The following ASB18 variants were observed in gnomAD, a reference collection of about 807,000 sequenced individuals.
ASB18 encodes ankyrin repeat and SOCS box protein 18.
In ASB18, 33 loss-of-function variants were observed where a neutral mutation model predicts 33.4. The ratio of observed to expected loss-of-function variants is 0.99; its 90% confidence interval spans 0.75 to 1.32. ASB18 has a LOEUF of 1.32. Ranked by LOEUF, ASB18 falls within the 40% of genes most tolerant of loss-of-function variation. The pLI is 0.00. For missense variants in ASB18, 694 were observed against 655.5 expected, an observed-to-expected ratio of 1.06 and a Z score of -0.64; for synonymous variants, 295 against 307.6, an observed-to-expected ratio of 0.96 and a Z score of 0.43.
In ASB18 at chr2:236,225,892, G is replaced by A. The variant is rs757643013; in HGVS notation, c.597-11026C>T. 2.0e-5 allele frequency among the ~76,000 whole-genome samples: 3 copies of A among 152,070 alleles called. No individual in the cohort carries two copies. The highest frequency in any genetic ancestry group is 2.1e-4 in the South Asian group (1 of 4,812). ...CAACTAAAAGGGGATGGAGCAGAAC[G>A]GGGTCCCTAGGTGTGGAGACCATTG... On this transcript the variant is annotated intron_variant, in intron 3 of 5. Transcript: ENST00000409749. This position sits in a 1 kb window ranked among gnomAD's most constrained non-coding sequence, Gnocchi z 5.1.
At chr2:236,227,532 G>C (rs1021885372) in intron 3 of ASB18, among the ~76,000 whole-genome samples, 1 of 152,140 alleles carries the variant, frequency 6.6e-6, no homozygotes, top group Non-Finnish European at 1.5e-5. Context: ...CAGAGACATA[G>C]AAAAATAACT....
intron 4 of ASB18, among the ~76,000 whole-genome samples, chr2:236,202,867 T>C (rs1262819413): frequency 6.6e-6 from 1 of 150,638 alleles, no homozygotes; most frequent in Non-Finnish European, 1.5e-5. Flanking sequence ...ATGTTCCGGA[T>C]ATGCCATCAT....
rs979704228 is a variant in ASB18 at position 236,262,010 on chromosome 2, A to G, written c.205+2131T>C. On this transcript the variant is annotated intron_variant, in intron 1 of 5. Coordinates refer to ENST00000409749, the MANE Select transcript of ASB18 (RefSeq NM_212556.4). This position sits in a 1 kb window ranked among gnomAD's most constrained non-coding sequence, Gnocchi z 5.2. ...GGAATTGTGGGAGCTATAATTCAAG[A>G]TGAGATTTGGGTGGGGACACAGCCA... 4.6e-5 allele frequency among the ~76,000 whole-genome samples: 7 copies of G among 152,214 alleles called. No individual in the cohort carries two copies. Among genetic ancestry groups the G allele is most frequent in the African/African-American group, 1.4e-4 (6 of 41,452 alleles).
intron 1 of ASB18, among the ~76,000 whole-genome samples, chr2:236,243,576 G>A (rs988995578): frequency 6.6e-6 from 1 of 152,084 alleles, no homozygotes; most frequent in Non-Finnish European, 1.5e-5. Flanking sequence ...TAGGACAGAT[G>A]CGGGGTTCCC....
At chr2:236,230,663 A>AGTGT (rs2060559989) in intron 3 of ASB18, among the ~76,000 whole-genome samples, 1 of 151,752 alleles carries the variant, frequency 6.6e-6, no homozygotes, top group African/African-American at 2.4e-5. Flanking sequence ...CTGAGGGTAG[A>AGTGT]GTGTGATAAA....
rs2060449744 is a variant in ASB18, at chr2:236,209,584, C to A, written c.1101+4778G>T. Among the ~76,000 whole-genome samples the A allele has an allele frequency of 6.6e-6, 1 of 152,186 alleles. No homozygotes were observed. Among genetic ancestry groups the A allele is most frequent in the African/African-American group, 2.4e-5 (1 of 41,442 alleles). On this transcript the variant is annotated intron_variant, in intron 4 of 5. Transcript: ENST00000409749. The surrounding 1 kb of genome is among the most constrained non-coding windows in gnomAD (Gnocchi z 4.4). ...TGGCCTAGAATCTGTTATTCTTGCA[C>A]CAACCTCCATCCCCCATGCAAGCTA...
At chr2:236,243,196 G>C (rs1401065093) in intron 1 of ASB18, among the ~76,000 whole-genome samples, 1 of 151,562 alleles carries the variant, frequency 6.6e-6, no homozygotes, top group Non-Finnish European at 1.5e-5. Context: ...TGGGTGTGGT[G>C]GTGGGCGCCT....
rs1383330318 is a variant in ASB18, at chr2:236,244,624, A to G, written c.206-3222T>C. Among the ~76,000 whole-genome samples the G allele has an allele frequency of 2.0e-5, 3 of 151,574 alleles. No individual in the cohort carries two copies. The highest frequency in any genetic ancestry group is 2.9e-5 in the Non-Finnish European group (2 of 67,896). ...TTGTGACTCCCCCTACCCCTCGTCA[A>G]GTGCCCCCCGACCTCTGAGTGCCCA... On this transcript the variant is annotated intron_variant, in intron 1 of 5. Coordinates refer to ENST00000409749, the MANE Select transcript of ASB18 (RefSeq NM_212556.4). This position sits in a 1 kb window ranked among gnomAD's most constrained non-coding sequence, Gnocchi z 6.1.
At chr2:236,242,717 C>T (rs920786207) in intron 1 of ASB18, among the ~76,000 whole-genome samples, 2 of 151,280 alleles carry the variant, frequency 1.3e-5, no homozygotes, top group South Asian at 4.2e-4. Context: ...CCGCCCACCT[C>T]GGTCTCCCAA....
In ASB18 at chr2:236,199,344, G is replaced by A. The variant is rs553100931; in HGVS notation, c.1102-2959C>T. On this transcript the variant is annotated intron_variant, in intron 4 of 5. Transcript: ENST00000409749. ...GGAGAATCGCTTGAACCCGGGAGGC[G>A]GAGTTTGCAGTGAGCTGAGATCATG... 4.0e-4 allele frequency among the ~76,000 whole-genome samples: 61 copies of A among 151,152 alleles called. 1 individual carries two copies. The East Asian group carries it at 4.3e-3, about 11-fold the overall frequency.
chr2:236,211,656 T>C lies in ASB18; in HGVS notation c.1101+2706A>G, dbSNP rs2060459332. Among the ~76,000 whole-genome samples, 1 of 152,234 alleles carries C rather than the reference T, an allele frequency of 6.6e-6. No individual in the cohort carries two copies. Among genetic ancestry groups the C allele is most frequent in the East Asian group, 1.9e-4 (1 of 5,190 alleles). On this transcript the variant is annotated intron_variant, in intron 4 of 5. Coordinates refer to ENST00000409749, the MANE Select transcript of ASB18 (RefSeq NM_212556.4). The surrounding 1 kb of genome is among the most constrained non-coding windows in gnomAD (Gnocchi z 5.0). ...CATCTTTGTGGCTGGCTGCAGCGTC[T>C]GTTGCTTTGATGTCGCACATGATTA...
rs1199837325 is a variant in ASB18 at position 236,225,745 on chromosome 2, G to A, written c.597-10879C>T. 6.6e-6 allele frequency among the ~76,000 whole-genome samples: 1 copy of A among 151,942 alleles called. No individual in the cohort carries two copies. Among genetic ancestry groups the A allele is most frequent in the Non-Finnish European group, 1.5e-5 (1 of 68,008 alleles). On this transcript the variant is annotated intron_variant, in intron 3 of 5. Transcript: ENST00000409749. The surrounding 1 kb of genome is among the most constrained non-coding windows in gnomAD (Gnocchi z 5.1). ...GATTAAAGCTCTGATATCCCTTTCA[G>A]TGTGTTGAATTCTGAATTCTGAAGC...
rs1262861240 is a variant in ASB18, at chr2:236,219,882, G to C, written c.597-5016C>G. Reference sequence around the variant, plus strand: ...TAGAACAGTCACCGTTGGGATCTAAGGGTAGAATTCCCATCTGAGGATGTC... The same window carrying C: ...TAGAACAGTCACCGTTGGGATCTAACGGTAGAATTCCCATCTGAGGATGTC... On this transcript the variant is annotated intron_variant, in intron 3 of 5. Transcript: ENST00000409749. The surrounding 1 kb of genome is among the most constrained non-coding windows in gnomAD (Gnocchi z 6.4). 6.6e-6 allele frequency among the ~76,000 whole-genome samples: 1 copy of C among 152,172 alleles called. No homozygotes were observed. The highest frequency in any genetic ancestry group is 2.4e-5 in the African/African-American group (1 of 41,432).
rs2060516879 is a variant in ASB18 at position 236,222,373 on chromosome 2, T to C, written c.597-7507A>G. ...GCCATTTCTATCATCACGGTTTCCC[T>C]TGGAGCAATGGCTGCCAGCCATCTT... On this transcript the variant is annotated intron_variant, in intron 3 of 5. Transcript: ENST00000409749. The surrounding 1 kb of genome is among the most constrained non-coding windows in gnomAD (Gnocchi z 5.5). Among the ~76,000 whole-genome samples the C allele has an allele frequency of 6.6e-6, 1 of 152,208 alleles. No homozygotes were observed. The highest frequency in any genetic ancestry group is 1.9e-4 in the East Asian group (1 of 5,188).
chr2:236,257,855 G>C lies in ASB18; in HGVS notation c.205+6286C>G, dbSNP rs1468849306. Among the ~76,000 whole-genome samples the C allele has an allele frequency of 1.3e-5, 2 of 152,188 alleles. No individual in the cohort carries two copies. Among genetic ancestry groups the C allele is most frequent in the Non-Finnish European group, 2.9e-5 (2 of 68,034 alleles). ...AGTGCCAATTGTCTGTGGAACCCAAGGTGTGTCATGCAACTTCTCCAAGCC... is the reference window on the plus strand; with the variant it reads ...AGTGCCAATTGTCTGTGGAACCCAACGTGTGTCATGCAACTTCTCCAAGCC... On this transcript the variant is annotated intron_variant, in intron 1 of 5. Transcript: ENST00000409749. The surrounding 1 kb of genome is among the most constrained non-coding windows in gnomAD (Gnocchi z 5.5).
chr2:236,197,196 AAAGAT>A (rs2060378446), intron 4 of ASB18, among the ~76,000 whole-genome samples: 1 of 152,194 alleles, frequency 6.6e-6, no homozygotes, highest in African/African-American at 2.4e-5. Flanking sequence ...TTGAAGAAAC[AAAGAT>A]AATATTATAG....
rs757753570 is a variant in ASB18, at chr2:236,221,053, G to C, written c.597-6187C>G. Among the ~76,000 whole-genome samples, 4 of 152,070 alleles carry C rather than the reference G, an allele frequency of 2.6e-5. No homozygotes were observed. The highest frequency in any genetic ancestry group is 4.8e-5 in the African/African-American group (2 of 41,414). On this transcript the variant is annotated intron_variant, in intron 3 of 5. Coordinates refer to ENST00000409749, the MANE Select transcript of ASB18 (RefSeq NM_212556.4). This position sits in a 1 kb window ranked among gnomAD's most constrained non-coding sequence, Gnocchi z 5.6. Reference sequence around the variant, plus strand: ...TAGATGGCATCCTCCCTCCTTTTTGGTGAGGAGTTCATCTTTGAGGTTTAA... The same window carrying C: ...TAGATGGCATCCTCCCTCCTTTTTGCTGAGGAGTTCATCTTTGAGGTTTAA...
chr2:236,264,373 CCTT>C lies in ASB18; in HGVS notation c.-31_-29del. The C allele has an allele frequency of 1.4e-5, 22 of 1,602,662 alleles. No homozygotes were observed. Among genetic ancestry groups the C allele is most frequent in the Non-Finnish European group, 1.9e-5 (22 of 1,169,814 alleles). On this transcript the variant is annotated 5_prime_UTR_variant, in exon 1 of 6. Transcript: ENST00000409749. This position sits in a 1 kb window ranked among gnomAD's most constrained non-coding sequence, Gnocchi z 5.1. ...TTACGTCGTTTCTGCAGTGACCAGC[CCTT>C]CTTTTCTTCCTCTAAAGCGACTCCA...
rs1453568378 is a variant in ASB18 at position 236,235,107 on chromosome 2, C to G, written c.596+2582G>C. ...CTCAAACTTAAATAAGAAAACCAAC[C>G]CAATTTTAAAAATGGGCAAAAGATT... On this transcript the variant is annotated intron_variant, in intron 3 of 5. Transcript: ENST00000409749. This position sits in a 1 kb window ranked among gnomAD's most constrained non-coding sequence, Gnocchi z 6.2. 6.6e-6 allele frequency among the ~76,000 whole-genome samples: 1 copy of G among 152,084 alleles called. No homozygotes were observed.
Sources: gnomAD v4.1 joint callset for allele counts (sites outside exome capture counted in the v4.1 genomes callset) on GRCh38, gnomAD v4.1.1 for gene constraint, Gnocchi (gnomAD v3.1) non-coding constraint, MANE v1.5 for transcripts, NCBI Gene and HGNC (gene_info 2026-07-23, HGNC 2026-07-21) for gene names.